Variants in KDM7A observed in about 807,000 individuals in gnomAD.
The protein encoded by KDM7A is lysine demethylase 7A, also known as lysine-specific demethylase 7A.
In KDM7A, 28 loss-of-function variants were observed where a neutral mutation model predicts 114.8. The observed-to-expected ratio is 0.24, with a 90% CI of 0.18 to 0.33. The LOEUF (loss-of-function observed/expected upper bound fraction) is 0.33. Among genes scored for constraint, KDM7A ranks in the 10% least tolerant of loss-of-function variants. KDM7A has a pLI of 1.00. For synonymous variants in KDM7A, 423 were observed against 397.8 expected, an observed-to-expected ratio of 1.06 and a Z score of -0.75; for missense variants, 942 against 1,142.5, an observed-to-expected ratio of 0.82 and a Z score of 2.53.
chr7:140,114,358 C>T (rs562580244), intron 9 of KDM7A, among the ~76,000 whole-genome samples: 31 of 152,210 alleles, frequency 2.0e-4, no homozygotes, highest in African/African-American at 5.5e-4. Context: ...TTGGTGGAGA[C>T]GGGGTTTCGC....
At chr7:140,094,003 A>C in intron 18 of KDM7A, 53 bp downstream of exon 18, 1 of 1,107,616 alleles carries the variant, frequency 9.0e-7, no homozygotes, top group Non-Finnish European at 1.4e-6. Context: ...AAGCAAAAAC[A>C]ACGTTAATGA....
chr7:140,095,688 G>A, intron 17 of KDM7A: 1 of 264,620 alleles, frequency 3.8e-6, no homozygotes, highest in Non-Finnish European at 7.8e-6. Flanking sequence ...GACCAGTCTG[G>A]GCAACATAGG....
rs1415871569 is a variant in KDM7A at position 140,096,683 on chromosome 7, C to T, written c.2246G>A (p.Cys749Tyr). The part of the protein sequence containing the change: ...LSMAGLHYST[C>Y]LQRQIQSTDC... ...TGTGCTTTGTATTTGCCTTTGTAAA[C>T]ACGTGGAATAGTGCAACCCTGCCAT... Residue 749 changes from cysteine to tyrosine, a missense_variant, in exon 17 of 20, where the codon TGT (cysteine) becomes TAT (tyrosine). Around this residue, in one of 4 missense-constraint regions of KDM7A, gnomAD observed 512 missense variants for 576.6 expected, o/e 0.89. Coordinates refer to ENST00000397560, the MANE Select transcript of KDM7A (RefSeq NM_030647.2). 6.2e-7 allele frequency: 1 copy of T among 1,614,140 alleles called. No homozygotes were observed.
chr7:140,140,034 C>T (rs1328880014), intron 1 of KDM7A, among the ~76,000 whole-genome samples: 6 of 152,154 alleles, frequency 3.9e-5, no homozygotes, highest in Non-Finnish European at 5.9e-5. Flanking sequence ...GATGACCTCA[C>T]ATGCAAGTTC....
At chr7:140,096,248 C>A (rs1818106843) in intron 17 of KDM7A, among the ~76,000 whole-genome samples, 2 of 152,034 alleles carry the variant, frequency 1.3e-5, no homozygotes, top group South Asian at 4.1e-4. Context: ...CCATTTAAGG[C>A]ACCAAAACAC....
At chr7:140,170,207 G>A (rs1306426232) in intron 1 of KDM7A, among the ~76,000 whole-genome samples, 1 of 151,980 alleles carries the variant, frequency 6.6e-6, no homozygotes, top group Non-Finnish European at 1.5e-5. Context: ...GGATGAAAGC[G>A]GAGTTAAATT....
At chr7:140,116,042 G>A (rs1322484849) in intron 9 of KDM7A, among the ~76,000 whole-genome samples, 1 of 152,106 alleles carries the variant, frequency 6.6e-6, no homozygotes, top group Non-Finnish European at 1.5e-5. Context: ...GTTGGCCAGA[G>A]CATAGAGCTT....
intron 1 of KDM7A, among the ~76,000 whole-genome samples, chr7:140,169,046 G>T (rs1387369975): frequency 2.0e-5 from 3 of 152,102 alleles, no homozygotes; most frequent in Non-Finnish European, 4.4e-5. Context: ...TGTCCTCTGA[G>T]AAGGCCTAGA....
At chr7:140,105,836 A>G (rs1024681296) in intron 11 of KDM7A, among the ~76,000 whole-genome samples, 22 of 152,060 alleles carry the variant, frequency 1.4e-4, no homozygotes, top group African/African-American at 5.3e-4. Flanking sequence ...CTCTTTTTCT[A>G]TTGATTGGAA....
In KDM7A at chr7:140,115,113, G is replaced by A. The variant is rs368493911; in HGVS notation, c.1247-1531C>T. 1.0e-3 allele frequency among the ~76,000 whole-genome samples: 153 copies of A among 151,256 alleles called. 1 individual carries two copies. Among genetic ancestry groups the A allele is most frequent in the African/African-American group, 2.8e-3 (117 of 41,244 alleles). On this transcript the variant is annotated intron_variant, in intron 9 of 19. Transcript: ENST00000397560. ...CAGCCCCCGCCCGGCCAGCCACCCC[G>A]TCTGGGAGGCAGGTTGGGGCCAGCC...
intron 1 of KDM7A, among the ~76,000 whole-genome samples, chr7:140,145,604 A>G (rs1031275341): frequency 3.3e-5 from 5 of 152,142 alleles, no homozygotes; most frequent in African/African-American, 1.2e-4. Context: ...TTCAAAACCA[A>G]ACTTCCCTGA....
At chr7:140,128,861 A>G (rs1818747011) in intron 4 of KDM7A, among the ~76,000 whole-genome samples, 1 of 152,246 alleles carries the variant, frequency 6.6e-6, no homozygotes, top group South Asian at 2.1e-4. Flanking sequence ...AAATATCACG[A>G]GAATTAATGA....
intron 1 of KDM7A, among the ~76,000 whole-genome samples, chr7:140,139,695 CAGAT>C (rs149217681): frequency 0.01 from 1,593 of 151,916 alleles, 22 homozygotes; most frequent in African/African-American, 0.037. Flanking sequence ...ACCTTAAAAA[CAGAT>C]AGAAGGAAAA....
At chr7:140,103,202 C>T (rs770843133) in intron 11 of KDM7A, among the ~76,000 whole-genome samples, 3 of 152,114 alleles carry the variant, frequency 2.0e-5, no homozygotes, top group Non-Finnish European at 4.4e-5. Context: ...CTAGGAACCT[C>T]ATATAAGTGG....
intron 1 of KDM7A, among the ~76,000 whole-genome samples, chr7:140,144,408 C>T (rs547251564): frequency 6.6e-6 from 1 of 152,230 alleles, no homozygotes; most frequent in East Asian, 1.9e-4. Context: ...TGAAATAAAG[C>T]ATGAGTAAGT....
chr7:140,169,757 C>T (rs953953797), intron 1 of KDM7A, among the ~76,000 whole-genome samples: 2 of 152,112 alleles, frequency 1.3e-5, no homozygotes, highest in Non-Finnish European at 2.9e-5. Flanking sequence ...AACTTCTGAC[C>T]TTGTGATCCG....
chr7:140,139,773 C>A (rs551140117), intron 1 of KDM7A, among the ~76,000 whole-genome samples: 2 of 152,230 alleles, frequency 1.3e-5, no homozygotes, highest in Admixed American at 6.5e-5. Context: ...AAAATTGATT[C>A]TTTGAAAAGA....
At chr7:140,152,735 T>C (rs980163907) in intron 1 of KDM7A, among the ~76,000 whole-genome samples, 3 of 152,190 alleles carry the variant, frequency 2.0e-5, no homozygotes, top group Non-Finnish European at 2.9e-5. Flanking sequence ...TGGACCATTC[T>C]ATTTCGAAAC....
At chr7:140,144,326 C>T (rs1794316616) in intron 1 of KDM7A, among the ~76,000 whole-genome samples, 1 of 152,130 alleles carries the variant, frequency 6.6e-6, no homozygotes, top group African/African-American at 2.4e-5. Context: ...TGGACCTCTA[C>T]CACACACCAT....
Sources: gnomAD v4.1 joint callset for allele counts (sites outside exome capture counted in the v4.1 genomes callset) on GRCh38, gnomAD v4.1.1 for gene constraint, gnomAD v4.1.1 regional missense constraint, MANE v1.5 for transcripts, NCBI Gene and HGNC (gene_info 2026-07-23, HGNC 2026-07-21) for gene names.